The following COL26A1 variants were observed in gnomAD, a reference collection of about 807,000 sequenced individuals.
COL26A1 encodes collagen type XXVI alpha 1 chain.
In COL26A1, 41 loss-of-function variants were observed where a neutral mutation model predicts 59.3. The observed-to-expected ratio is 0.69, with a 90% confidence interval of 0.54 to 0.90. The LOEUF (loss-of-function observed/expected upper bound fraction) is 0.90, where lower values mean the gene tolerates loss of function less well. COL26A1 is among the 40% of genes least tolerant of loss of function. COL26A1 has a pLI of 0.00. For synonymous variants in COL26A1, 266 were observed against 256.0 expected (o/e 1.04, Z -0.37); for missense variants, 612 against 602.3 (o/e 1.02, Z -0.17).
At chr7:101,418,349 C>T (rs768995444) in intron 1 of COL26A1, among the ~76,000 whole-genome samples, 13 of 152,302 alleles carry the variant, frequency 8.5e-5, no homozygotes, top group Non-Finnish European at 1.8e-4. Flanking sequence ...TTGTGTGTTT[C>T]TGGCTGTGAT....
chr7:101,520,406 C>A (rs971689572), intron 3 of COL26A1, among the ~76,000 whole-genome samples: 5 of 152,040 alleles, frequency 3.3e-5, no homozygotes, highest in African/African-American at 1.2e-4. Context: ...AAGAACTGGC[C>A]AGGTGCAATG....
At chr7:101,444,296 T>TC (rs1793132473) in intron 2 of COL26A1, among the ~76,000 whole-genome samples, 2 of 152,092 alleles carry the variant, frequency 1.3e-5, no homozygotes, top group South Asian at 4.1e-4. Context: ...ACTTTGGGTT[T>TC]ATTGTTGGTG....
At chr7:101,495,682 G>A (rs1191607811) in intron 3 of COL26A1, among the ~76,000 whole-genome samples, 1 of 150,512 alleles carries the variant, frequency 6.6e-6, no homozygotes, top group Non-Finnish European at 1.5e-5. Context: ...GCCTCCCAAA[G>A]TGCTGGGATT....
At chr7:101,471,089 G>A (rs1352055806) in intron 3 of COL26A1, among the ~76,000 whole-genome samples, 3 of 152,194 alleles carry the variant, frequency 2.0e-5, no homozygotes, top group South Asian at 4.1e-4. Flanking sequence ...GGCCTTTGGA[G>A]CTGAGGCTGG....
intron 1 of COL26A1, among the ~76,000 whole-genome samples, chr7:101,405,826 CA>C (rs1792115744): frequency 6.6e-6 from 1 of 152,208 alleles, no homozygotes; most frequent in African/African-American, 2.4e-5. Flanking sequence ...ATGGAAAACT[CA>C]ATCCATCAGT....
intron 7 of COL26A1, among the ~76,000 whole-genome samples, chr7:101,546,717 C>G (rs1370260982): frequency 1.3e-5 from 2 of 152,098 alleles, no homozygotes; most frequent in Non-Finnish European, 2.9e-5. Flanking sequence ...CACCCCTGCT[C>G]CAGGCAGTGT....
chr7:101,508,428 AG>A (rs1227125173), intron 3 of COL26A1, among the ~76,000 whole-genome samples: 1 of 150,884 alleles, frequency 6.6e-6, no homozygotes, highest in East Asian at 1.9e-4. Context: ...CTGAGGTGGG[AG>A]GATCGCTTGA....
At chr7:101,409,253 G>T (rs1792192138) in intron 1 of COL26A1, among the ~76,000 whole-genome samples, 1 of 152,030 alleles carries the variant, frequency 6.6e-6, no homozygotes, top group African/African-American at 2.4e-5. Flanking sequence ...TATTTTTCCT[G>T]GTCCTTGAGG....
At chr7:101,402,300 C>G (rs1030928489) in intron 1 of COL26A1, among the ~76,000 whole-genome samples, 2 of 152,064 alleles carry the variant, frequency 1.3e-5, no homozygotes, top group Non-Finnish European at 2.9e-5. Flanking sequence ...AGGGATTTTC[C>G]CCCCCAAGTG....
At chr7:101,453,739 T>C (rs1470866436) in intron 3 of COL26A1, among the ~76,000 whole-genome samples, 2 of 152,152 alleles carry the variant, frequency 1.3e-5, no homozygotes, top group Non-Finnish European at 2.9e-5. Flanking sequence ...AAAACCCTTG[T>C]AAAGATTTTA....
At chr7:101,554,567 TAAAAAAAAAA>T (rs57638079) in intron 11 of COL26A1, among the ~76,000 whole-genome samples, 49 of 120,476 alleles carry the variant, frequency 4.1e-4, no homozygotes, top group Middle Eastern at 9.5e-3. Flanking sequence ...CCCCATTTCT[TAAAAAAAAAA>T]AAAAAAAAAA....
intron 2 of COL26A1, among the ~76,000 whole-genome samples, chr7:101,433,048 C>T (rs1189046404): frequency 2.6e-5 from 4 of 152,140 alleles, no homozygotes; most frequent in Non-Finnish European, 5.9e-5. Flanking sequence ...CTGGACCGGA[C>T]GTGGTGGCTC....
intron 3 of COL26A1, among the ~76,000 whole-genome samples, chr7:101,525,830 G>A (rs1005077832): frequency 3.3e-5 from 5 of 152,058 alleles, no homozygotes; most frequent in African/African-American, 7.3e-5. Flanking sequence ...GTGACCAAAC[G>A]TAGAGACTTT....
At chr7:101,491,248 G>C (rs371017346) in intron 3 of COL26A1, among the ~76,000 whole-genome samples, 4 of 152,010 alleles carry the variant, frequency 2.6e-5, no homozygotes, top group African/African-American at 9.6e-5. Flanking sequence ...CCCAACTCCC[G>C]TGCAGGGGTG....
chr7:101,366,471 CTGATT>C (rs1791049005), intron 1 of COL26A1, among the ~76,000 whole-genome samples: 1 of 101,090 alleles, frequency 9.9e-6, no homozygotes, highest in Non-Finnish European at 2.1e-5. Context: ...TTGTTAACGT[CTGATT>C]TTTTTTTTTT....
At chr7:101,495,185 T>A (rs899161832) in intron 3 of COL26A1, among the ~76,000 whole-genome samples, 1 of 152,176 alleles carries the variant, frequency 6.6e-6, no homozygotes, top group Non-Finnish European at 1.5e-5. Context: ...CAGTCCCAGC[T>A]GGAACCCAAC....
At chr7:101,498,390 A>G (rs1366038652) in intron 3 of COL26A1, among the ~76,000 whole-genome samples, 1 of 152,166 alleles carries the variant, frequency 6.6e-6, no homozygotes, top group African/African-American at 2.4e-5. Context: ...CTGGACACCC[A>G]ACATCCTGCC....
At chr7:101,375,540 T>C (rs1791294853) in intron 1 of COL26A1, among the ~76,000 whole-genome samples, 1 of 149,222 alleles carries the variant, frequency 6.7e-6, no homozygotes, top group East Asian at 2.0e-4. Flanking sequence ...TACAAAAAAA[T>C]AAAATAAAAA....
intron 5 of COL26A1, among the ~76,000 whole-genome samples, chr7:101,541,709 G>C (rs1795620880): frequency 1.3e-5 from 2 of 152,060 alleles, no homozygotes; most frequent in Admixed American, 6.6e-5. Flanking sequence ...CTACCTACTG[G>C]TCTGGGCTCT....
Sources: gnomAD v4.1 joint callset for allele counts (sites outside exome capture counted in the v4.1 genomes callset) on GRCh38, gnomAD v4.1.1 for gene constraint, MANE v1.5 for transcripts, NCBI Gene and HGNC (gene_info 2026-07-23, HGNC 2026-07-21) for gene names.